The following POLR1D variants were observed in gnomAD, a reference collection of about 807,000 sequenced individuals.
POLR1D encodes DNA-directed RNA polymerases I and III subunit RPAC2.
A neutral mutation model predicts 10.8 loss-of-function variants in POLR1D; 8 were observed. That is an observed-to-expected ratio of 0.74 (90% confidence interval 0.43 to 1.33). The LOEUF is 1.33. POLR1D is among the 40% of genes most tolerant of loss of function. The pLI is 0.01. For synonymous variants in POLR1D, 54 were observed against 57.2 expected (o/e 0.94, Z 0.25); for missense variants, 152 against 161.7 (o/e 0.94, Z 0.32).
intron 1 of POLR1D, 93 bp downstream of exon 1, chr13:27,622,102 G>C (rs1448420604): frequency 9.6e-7 from 1 of 1,046,296 alleles, no homozygotes; most frequent in East Asian, 2.6e-5. Flanking sequence ...GCCGGGGCCT[G>C]ACTCGGGGCG....
chr13:27,632,914 T>C (rs892384662), intron 1 of POLR1D, among the ~76,000 whole-genome samples: 2 of 152,222 alleles, frequency 1.3e-5, no homozygotes, highest in African/African-American at 2.4e-5. Flanking sequence ...TGACTCTGTA[T>C]TGTTTTTACA....
intron 1 of POLR1D, 73 bp from the exon 2 acceptor site, chr13:27,622,802 T>C (rs190982909): frequency 1.5e-5 from 14 of 913,692 alleles, no homozygotes; most frequent in African/African-American, 1.3e-4. Flanking sequence ...CAATGTGATA[T>C]AGTAAATGAG....
Position 27,623,393 on chromosome 13 carries a change from T to C in POLR1D, c.*143T>C. ...TCTAGCTGTTGACCCCTTGCAGCTG[T>C]TGGAATCTCTGCAAGAACCTCTGTA... On this transcript the variant is annotated 3_prime_UTR_variant, in exon 2 of 2. Transcript: ENST00000302979. The C allele has an allele frequency of 2.7e-6, 4 of 1,489,044 alleles. No homozygotes were observed. Among genetic ancestry groups the C allele is most frequent in the African/African-American group, 1.4e-5 (1 of 71,176 alleles). The allele number at this position is 1,489,044 out of a possible 1,614,324, so 92.2% of individuals were successfully genotyped here.
At chr13:27,648,342 G>A (rs765693976) in intron 1 of POLR1D, 4 of 1,278,790 alleles carry the variant, frequency 3.1e-6, no homozygotes, top group South Asian at 2.4e-5. Context: ...ACTTAGTAGG[G>A]TGACTGCCTC....
At chr13:27,624,505 G>T (rs1228961314), downstream of POLR1D, among the ~76,000 whole-genome samples, 1 of 152,068 alleles carries the variant, frequency 6.6e-6, no homozygotes, top group Non-Finnish European at 1.5e-5. Flanking sequence ...CCATATTTTT[G>T]AGCACTAGTA....
intron 1 of POLR1D, among the ~76,000 whole-genome samples, chr13:27,628,698 A>G (rs1264409261): frequency 6.6e-6 from 1 of 152,242 alleles, no homozygotes. Flanking sequence ...ATATGTATTT[A>G]CCTAACAATT....
intron 1 of POLR1D, among the ~76,000 whole-genome samples, chr13:27,637,853 A>G (rs910723021): frequency 2.0e-5 from 3 of 151,948 alleles, no homozygotes; most frequent in African/African-American, 7.3e-5. Context: ...CTGGCCTCAA[A>G]CTTTTGAGAT....
exon 3 of POLR1D, chr13:27,666,084 A>G: frequency 1.2e-6 from 1 of 833,914 alleles, no homozygotes; most frequent in Non-Finnish European, 1.9e-6. Context: ...TTGTTTTTAA[A>G]GAGGCTGCTG....
chr13:27,659,925 T>TATATATATATATACAC (rs528297415), intron 2 of POLR1D, among the ~76,000 whole-genome samples: 1 of 149,384 alleles, frequency 6.7e-6, no homozygotes, highest in African/African-American at 2.5e-5. Context: ...TATATATATA[T>TATATATATATATACAC]ACACACACAT....
chr13:27,662,103 T>C (rs1012964106), intron 2 of POLR1D, among the ~76,000 whole-genome samples: 2 of 152,234 alleles, frequency 1.3e-5, no homozygotes, highest in East Asian at 1.9e-4. Flanking sequence ...TTTTCTTTCA[T>C]AGAGATTCTA....
chr13:27,622,001 G>A lies in POLR1D; in HGVS notation c.18G>A (p.Glu6=). The change falls in exon 1 of 2, where the codon GAG becomes GAA. Residue 6 remains glutamate (E), a synonymous_variant. Transcript: ENST00000302979. The part of the protein sequence containing the change: MEEDQ[E]LERKISGLKT... ...CCCCAGCGATGGAAGAGGATCAGGA[G>A]CTGGAGAGGTAACGGCCGAGGAGGA... is the stretch of plus-strand genomic sequence containing the variant. 1 of 1,591,580 alleles carries A rather than the reference G, an allele frequency of 6.3e-7. No individual in the cohort carries two copies. The highest frequency in any genetic ancestry group is 8.6e-7 in the Non-Finnish European group (1 of 1,169,342).
intron 1 of POLR1D, among the ~76,000 whole-genome samples, chr13:27,630,005 G>C (rs932004820): frequency 6.6e-6 from 1 of 152,118 alleles, no homozygotes; most frequent in African/African-American, 2.4e-5. Context: ...TCCGCCTCCT[G>C]GGTTCAAGAG....
At chr13:27,629,507 C>T (rs145578642) in intron 1 of POLR1D, among the ~76,000 whole-genome samples, 1 of 152,098 alleles carries the variant, frequency 6.6e-6, no homozygotes, top group Non-Finnish European at 1.5e-5. Context: ...GGTTTATATT[C>T]CTTCATGTGA....
chr13:27,636,813 A>T (rs1566145905), intron 1 of POLR1D, among the ~76,000 whole-genome samples: 1 of 152,218 alleles, frequency 6.6e-6, no homozygotes, highest in Admixed American at 6.5e-5. Context: ...ACTCTTTGTT[A>T]GCATTGCTCC....
intron 2 of POLR1D, chr13:27,664,894 A>T (rs1956399912): frequency 1.3e-5 from 2 of 152,266 alleles, no homozygotes; most frequent in Admixed American, 1.3e-4. Flanking sequence ...GCTAAGAGAA[A>T]TATGAACGTT....
At chr13:27,626,021 T>G (rs905992016), downstream of POLR1D, among the ~76,000 whole-genome samples, 2 of 152,146 alleles carry the variant, frequency 1.3e-5, no homozygotes, top group African/African-American at 4.8e-5. Context: ...AGGGATGTCA[T>G]AGGGCAAGGA....
At chr13:27,652,019 T>C (rs1366078642) in intron 2 of POLR1D, among the ~76,000 whole-genome samples, 2 of 152,226 alleles carry the variant, frequency 1.3e-5, no homozygotes, top group Non-Finnish European at 2.9e-5. Flanking sequence ...GTCAGATTAG[T>C]ATAAACTATT....
At chr13:27,665,923 C>A in exon 3 of POLR1D, 4 of 1,614,228 alleles carry the variant, frequency 2.5e-6, no homozygotes, top group Non-Finnish European at 3.4e-6. Flanking sequence ...GCAGCCAGGA[C>A]AAGTACGAAA....
intron 1 of POLR1D, among the ~76,000 whole-genome samples, chr13:27,622,580 C>G (rs1955957153): frequency 1.3e-5 from 2 of 152,150 alleles, no homozygotes; most frequent in African/African-American, 4.8e-5. Context: ...AATCCTATCC[C>G]TTGCTTGTGA....
Sources: allele counts gnomAD v4.1 joint callset (sites outside exome capture counted in the v4.1 genomes callset), GRCh38; gene constraint gnomAD v4.1.1; transcripts MANE v1.5; gene names NCBI Gene and HGNC (gene_info 2026-07-23, HGNC 2026-07-21).